The following KIF5B variants were observed in gnomAD, a reference collection of about 807,000 sequenced individuals.
The protein encoded by KIF5B is kinesin family member 5B.
In KIF5B, 49 loss-of-function variants were observed where a neutral mutation model predicts 132.8. The observed-to-expected ratio is 0.37, with a 90% CI of 0.29 to 0.47. The LOEUF (loss-of-function observed/expected upper bound fraction) is 0.47. KIF5B is among the 20% of genes least tolerant of loss of function. The probability of loss-of-function intolerance (pLI) is 1.00; values close to 1 mark genes in which losing one functional copy is unlikely to be tolerated. For missense variants in KIF5B, 780 were observed against 1,144.0 expected (o/e 0.68, Z 4.59); for synonymous variants, 355 against 369.4 (o/e 0.96, Z 0.45).
intron 5 of KIF5B, 78 bp downstream of exon 5, chr10:32,038,700 A>C (rs1769848023): frequency 1.1e-6 from 1 of 884,484 alleles, no homozygotes; most frequent in Non-Finnish European, 1.8e-6. Context: ...ATAGGTTACA[A>C]AGAAATAGTC....
At chr10:32,016,315 G>T (rs1841161733) in intron 24 of KIF5B, among the ~76,000 whole-genome samples, 2 of 151,978 alleles carry the variant, frequency 1.3e-5, no homozygotes. Context: ...AATTAGCTGG[G>T]CATGGTGGCT....
chr10:32,028,957 C>T (rs2132595059), intron 14 of KIF5B, among the ~76,000 whole-genome samples: 1 of 152,316 alleles, frequency 6.6e-6, no homozygotes, highest in South Asian at 2.1e-4. Flanking sequence ...TACAATGACA[C>T]TCTTTTCTAG....
At chr10:32,042,789 C>A (rs552505563) in intron 2 of KIF5B, among the ~76,000 whole-genome samples, 23 of 152,304 alleles carry the variant, frequency 1.5e-4, no homozygotes, top group African/African-American at 5.5e-4. Flanking sequence ...GATAACAGCA[C>A]ATCACGTTGT....
At chr10:32,033,198 G>A (rs1033880111) in intron 12 of KIF5B, among the ~76,000 whole-genome samples, 18 of 151,992 alleles carry the variant, frequency 1.2e-4, no homozygotes, top group Non-Finnish European at 5.9e-5. Flanking sequence ...TTTTATTGGA[G>A]TCTTCAGAGC....
intron 8 of KIF5B, among the ~76,000 whole-genome samples, chr10:32,036,809 G>GA (rs1841465748): frequency 6.6e-6 from 1 of 152,096 alleles, no homozygotes; most frequent in Non-Finnish European, 1.5e-5. Flanking sequence ...ATATAGACTA[G>GA]AATCAGACTG....
chr10:32,035,980 TC>T lies in KIF5B; in HGVS notation c.725del (p.Gly242GlufsTer41). The part of the protein sequence containing the change: ...LAGSEKVSKT[G>X]AEGAVLDEAK... ...CTTCATCCAGCACAGCACCTTCAGC[TC>T]CAGTTTTACTAACCTATACATAAGA... is the stretch of plus-strand genomic sequence containing the variant. On this transcript the variant is annotated frameshift_variant, in exon 9 of 26. Transcript: ENST00000302418. LOFTEE classifies it high-confidence loss of function. 6.2e-7 allele frequency: 1 copy of T among 1,601,860 alleles called. No homozygotes were observed. The highest frequency in any genetic ancestry group is 2.2e-5 in the East Asian group (1 of 44,696).
chr10:32,033,373 C>T (rs768575765), intron 12 of KIF5B, among the ~76,000 whole-genome samples: 7 of 152,272 alleles, frequency 4.6e-5, no homozygotes, highest in Admixed American at 2.6e-4. Context: ...ACTTGAGCTC[C>T]GCCTTCTGCC....
intron 24 of KIF5B, 123 bp downstream of exon 24, chr10:32,017,020 C>A (rs1310186912): frequency 6.2e-6 from 5 of 800,124 alleles, no homozygotes; most frequent in South Asian, 1.6e-5. Flanking sequence ...CAGTGCCACT[C>A]TGCTAAGTTA....
At chr10:32,034,582 T>C in intron 11 of KIF5B, 108 bp downstream of exon 11, 1 of 767,360 alleles carries the variant, frequency 1.3e-6, no homozygotes. Context: ...CGATGTCTAT[T>C]AAATTTCTTG....
In KIF5B at chr10:32,037,317, G is replaced by A. The variant is rs535980725; in HGVS notation, c.648C>T (p.Asn216=). 6.2e-7 allele frequency: 1 copy of A among 1,613,322 alleles called. No homozygotes were observed. The highest frequency in any genetic ancestry group is 1.1e-5 in the South Asian group (1 of 91,038). ...CACTCAGCTTTTGTTCCGTTTGTGT[G>A]TTCTCTTGTTTGACATTAATAAGAA... ...SIFLINVKQE[N]TQTEQKLSGK... The change falls in exon 8 of 26, where the codon AAC becomes AAT. Residue 216 remains asparagine, a synonymous_variant. Coordinates refer to ENST00000302418, the MANE Select transcript of KIF5B (RefSeq NM_004521.3).
chr10:32,030,683 T>C (rs943649851), intron 14 of KIF5B, among the ~76,000 whole-genome samples: 1 of 152,246 alleles, frequency 6.6e-6, no homozygotes, highest in Non-Finnish European at 1.5e-5. Flanking sequence ...GCATTTTAAT[T>C]TGTACTGCAT....
At chr10:32,055,287 T>C (rs1256886406) in intron 1 of KIF5B, among the ~76,000 whole-genome samples, 1 of 152,172 alleles carries the variant, frequency 6.6e-6, no homozygotes, top group Non-Finnish European at 1.5e-5. Context: ...TGGGTGAAAG[T>C]TGGAGGTATA....
intron 12 of KIF5B, among the ~76,000 whole-genome samples, chr10:32,033,640 A>G (rs184373630): frequency 6.6e-6 from 1 of 152,360 alleles, no homozygotes; most frequent in East Asian, 1.9e-4. Context: ...GAAAAGATAC[A>G]TGCTCATACA....
At chr10:32,032,892 C>T in intron 12 of KIF5B, 118 bp from the exon 13 acceptor site, 1 of 743,770 alleles carries the variant, frequency 1.3e-6, no homozygotes, top group Non-Finnish European at 2.3e-6. Flanking sequence ...TCTCTAAATT[C>T]AACATTGCTT....
intron 1 of KIF5B, among the ~76,000 whole-genome samples, chr10:32,050,059 C>T (rs1841669678): frequency 6.6e-6 from 1 of 152,000 alleles, no homozygotes; most frequent in Non-Finnish European, 1.5e-5. Flanking sequence ...CAAGTATCTG[C>T]CTGCTCTCTA....
At chr10:32,012,589 G>A (rs1048666164) in intron 25 of KIF5B, among the ~76,000 whole-genome samples, 2 of 152,174 alleles carry the variant, frequency 1.3e-5, no homozygotes, top group Non-Finnish European at 2.9e-5. Flanking sequence ...GTAAATAATT[G>A]TATTTTTACA....
intron 15 of KIF5B, among the ~76,000 whole-genome samples, chr10:32,024,059 A>C (rs564871096): frequency 2.0e-5 from 2 of 102,004 alleles, no homozygotes; most frequent in South Asian, 6.7e-4. Flanking sequence ...AGTAAAAAAA[A>C]AAAACAAAAA....
chr10:32,022,196 T>C lies in KIF5B; in HGVS notation c.1976A>G (p.Gln659Arg). 1 of 1,613,748 alleles carries C rather than the reference T, an allele frequency of 6.2e-7. No homozygotes were observed. The highest frequency in any genetic ancestry group is 8.5e-7 in the Non-Finnish European group (1 of 1,179,822). ...YLQNVEQKKR[Q>R]LEESVDALSE... ...GAGGGCATCGACAGATTCCTCCAAC[T>C]GTCTTTTCTTTTGTTCCACATTTTG... is the stretch of plus-strand genomic sequence containing the variant. Residue 659 changes from glutamine (Q) to arginine (R), a missense_variant, in exon 17 of 26, where the codon CAG (glutamine) becomes CGG (arginine). Coordinates refer to ENST00000302418, the MANE Select transcript of KIF5B (RefSeq NM_004521.3).
At position 32,023,435 on chromosome 10, in the gene KIF5B, G is replaced by A. The variant is rs55834031; in HGVS notation, c.1726-399C>T. Among the ~76,000 whole-genome samples, 279 of 152,276 alleles carry A rather than the reference G, an allele frequency of 1.8e-3. 1 individual carries two copies. The highest frequency in any genetic ancestry group is 6.6e-3 in the African/African-American group (273 of 41,554). On this transcript the variant is annotated intron_variant, in intron 15 of 25. Transcript: ENST00000302418. ...TAAAATTTAACAAGAGGATGTTTAG[G>A]TGGCAGGGAAAGGATGAACTTTAAG...
Sources: allele counts gnomAD v4.1 joint callset (sites outside exome capture counted in the v4.1 genomes callset), GRCh38; gene constraint gnomAD v4.1.1; transcripts MANE v1.5; gene names NCBI Gene and HGNC (gene_info 2026-07-23, HGNC 2026-07-21).